The following FHOD1 variants were observed in gnomAD, a reference collection of about 807,000 sequenced individuals.
The protein encoded by FHOD1 is formin homology 2 domain containing 1.
FHOD1 carries 89 observed loss-of-function variants against 111.6 expected under a neutral mutation model. The ratio of observed to expected loss-of-function variants is 0.80; its 90% confidence interval spans 0.67 to 0.95. The LOEUF is 0.95. Ranked by LOEUF, FHOD1 falls within the 40% of genes least tolerant of loss-of-function variation. FHOD1 has a pLI of 0.00. For synonymous variants in FHOD1, 618 were observed against 639.0 expected, an observed-to-expected ratio of 0.97 and a Z score of 0.50; for missense variants, 1,446 against 1,554.2, an observed-to-expected ratio of 0.93 and a Z score of 1.17.
At chr16:67,230,846 T>C in intron 17 of FHOD1, 55 bp from the exon 18 acceptor site, 11 of 1,519,632 alleles carry the variant, frequency 7.2e-6, no homozygotes, top group Non-Finnish European at 8.8e-6. Context: ...AGACAAGACA[T>C]GGCCCGAGGC....
In FHOD1 at chr16:67,247,376, G is replaced by C. The variant is rs539343247; in HGVS notation, c.35C>G (p.Pro12Arg). The C allele has an allele frequency of 7.1e-5, 114 of 1,613,224 alleles. No individual in the cohort carries two copies. The highest frequency in any genetic ancestry group is 9.1e-5 in the Non-Finnish European group (107 of 1,179,748). Reference protein sequence around the residue: ...AGGEDRGDGEPVSVVTVRVQY... With the variant: ...AGGEDRGDGERVSVVTVRVQY... ...CACCCTCACGGTCACCACTGATACC[G>C]GCTCTCCGTCCCCGCGGTCTTCCCC... is the stretch of plus-strand genomic sequence containing the variant. Residue 12 changes from proline to arginine, a missense_variant, in exon 1 of 22, where the codon CCG becomes CGG. By Grantham distance (103) the Pro-to-Arg change is moderately radical. Around this residue, in one of 3 missense-constraint regions of FHOD1, gnomAD observed 127 missense variants for 118.0 expected, o/e 1.08. Transcript: ENST00000258201.
chr16:67,232,089 C>G lies in FHOD1; in HGVS notation c.2152G>C (p.Ala718Pro). The change falls in exon 14 of 22, where the codon GCT (alanine) becomes CCT (proline). Residue 718 changes from alanine to proline, a missense_variant. Transcript: ENST00000258201. ...TTLPPVHVIK[A>P]ALLNFDEFAV... ...AACTCATCAAAGTTGAGCAGAGCAG[C>G]CTTAATGACATGCACAGGTGGCAGT... 6.2e-7 allele frequency: 1 copy of G among 1,614,250 alleles called. No homozygotes were observed. The highest frequency in any genetic ancestry group is 1.1e-5 in the South Asian group (1 of 91,088).
rs1355631681 is a variant in FHOD1 at position 67,231,694 on chromosome 16, G to A, written c.2328C>T (p.Gly776=). 2 of 1,614,198 alleles carry A rather than the reference G, an allele frequency of 1.2e-6. No individual in the cohort carries two copies. The highest frequency in any genetic ancestry group is 4.5e-5 in the East Asian group (2 of 44,888). Residue 776 remains glycine, a synonymous_variant, in exon 15 of 22, where the codon GGC becomes GGT. Coordinates refer to ENST00000258201, the MANE Select transcript of FHOD1 (RefSeq NM_013241.3). The surrounding 1 kb of genome is among the most constrained non-coding windows in gnomAD (Gnocchi z 4.3). ...CCCAGAGTTGTAGACGAGCAGCGAG[G>A]CCGCCAATGGAGGCAAGAGTCATCA... ...NFLMTLASIG[G]LAARLQLWAF...
At chr16:67,235,821 C>T (rs2034455289) in intron 11 of FHOD1, among the ~76,000 whole-genome samples, 1 of 152,226 alleles carries the variant, frequency 6.6e-6, no homozygotes, top group Admixed American at 6.5e-5. Flanking sequence ...TATTGAAGCA[C>T]AGGGACCACT....
intron 1 of FHOD1, chr16:67,246,831 T>A: frequency 9.3e-6 from 2 of 214,914 alleles, no homozygotes; most frequent in East Asian, 1.1e-4. Context: ...CCACCTCACC[T>A]GAAGCAGGTG....
At position 67,236,641 on chromosome 16, in the gene FHOD1, G is replaced by C; in HGVS notation, c.1235C>G (p.Ser412Cys). 6.2e-7 allele frequency: 1 copy of C among 1,612,996 alleles called. No individual in the cohort carries two copies. ...AAGGTTCACTGAAGCTTGGAGACCG[G>C]AGGGAGGGCCCACAGGGCTGGAGGC... ...GPASSPVGPP[S>C]GLQASVNLFP... The change falls in exon 11 of 22, where the codon TCC (serine) becomes TGC (cysteine). Residue 412 changes from serine to cysteine, a missense_variant. Physicochemically the swap from Ser to Cys is moderately radical, Grantham distance 112. This residue lies in a region of FHOD1 where 1,085 missense variants were observed against 1,108.8 expected (regional missense o/e 0.98). Coordinates refer to ENST00000258201, the MANE Select transcript of FHOD1 (RefSeq NM_013241.3).
Position 67,231,117 on chromosome 16 carries a change from G to A in FHOD1, c.2667+71C>T. 1.3e-6 allele frequency: 2 copies of A among 1,572,940 alleles called. No individual in the cohort carries two copies. Among genetic ancestry groups the A allele is most frequent in the Admixed American group, 1.7e-5 (1 of 57,488 alleles). On this transcript the variant is annotated intron_variant, in intron 17 of 21. Coordinates refer to ENST00000258201, the MANE Select transcript of FHOD1 (RefSeq NM_013241.3). The surrounding 1 kb of genome is among the most constrained non-coding windows in gnomAD (Gnocchi z 4.3). ...CAGCAGCCCAAATGGGGAGAAGGGG[G>A]AGGAGCCAGGCCCAGGAAGCAGCGC...
At chr16:67,235,937 AC>A (rs2034458785) in intron 11 of FHOD1, 1 of 643,716 alleles carries the variant, frequency 1.6e-6, no homozygotes, top group African/African-American at 2.0e-5. Flanking sequence ...TGCATCAGGC[AC>A]GTGAAACCCC....
At position 67,231,276 on chromosome 16, in the gene FHOD1, A is replaced by G. The variant is rs1473529788; in HGVS notation, c.2579T>C (p.Leu860Pro). ...VKDTVRRQSLLHHLCSLVLQT... is the reference protein window; with the variant it reads ...VKDTVRRQSLPHHLCSLVLQT... ...GAGCACTAGGGAGCAGAGATGGTGT[A>G]GCAGTGACTGTCGACGCACCGTGTC... The change falls in exon 17 of 22, where the codon CTA (leucine) becomes CCA (proline). Residue 860 changes from leucine to proline, a missense_variant. Leu to Pro is a moderately conservative substitution (Grantham distance 98). Transcript: ENST00000258201. This position sits in a 1 kb window ranked among gnomAD's most constrained non-coding sequence, Gnocchi z 4.3. The G allele has an allele frequency of 6.2e-7, 1 of 1,614,156 alleles. No homozygotes were observed.
intron 1 of FHOD1, among the ~76,000 whole-genome samples, chr16:67,243,788 G>A (rs1164108270): frequency 6.6e-6 from 1 of 152,088 alleles, no homozygotes; most frequent in East Asian, 1.9e-4. Context: ...TTCCAGTAAG[G>A]GAACACCAAT....
In FHOD1 at chr16:67,230,888, C is replaced by G. The variant is rs1045418775; in HGVS notation, c.2668-97G>C. On this transcript the variant is annotated intron_variant, in intron 17 of 21. Transcript: ENST00000258201. ...TGGGCCAGAGTGGCCAGCTTGGGCC[C>G]TAAGGACACAGACATCCAAATCTCA... 2.4e-5 allele frequency: 31 copies of G among 1,307,294 alleles called. No individual in the cohort carries two copies. In the African/African-American group the frequency reaches 3.8e-4, roughly 16 times the overall value. 81.0% of individuals were successfully genotyped at this position (1,307,294 alleles called of 1,614,324 possible). A position where few individuals can be genotyped will look rare whatever the true frequency, so the allele number is the denominator to read the frequency against.
In FHOD1 at chr16:67,238,643, C is replaced by T. The variant is rs1207715398; in HGVS notation, c.374-196G>A. ...CATAGCTCACTGCAACCTCAAACTC[C>T]TAGCCTCAAGCAATTCTCCCACCTT... On this transcript the variant is annotated intron_variant, in intron 3 of 21. Transcript: ENST00000258201. This position sits in a 1 kb window ranked among gnomAD's most constrained non-coding sequence, Gnocchi z 4.2. The T allele has an allele frequency of 4.4e-6, 3 of 675,574 alleles. No individual in the cohort carries two copies. The highest frequency in any genetic ancestry group is 7.8e-6 in the Non-Finnish European group (3 of 384,902). 41.8% of individuals were successfully genotyped at this position (675,574 alleles called of 1,614,324 possible). A position where few individuals can be genotyped will look rare whatever the true frequency, so the allele number is the denominator to read the frequency against.
chr16:67,245,397 G>A (rs1363682133), intron 1 of FHOD1, among the ~76,000 whole-genome samples: 1 of 152,140 alleles, frequency 6.6e-6, no homozygotes, highest in Non-Finnish European at 1.5e-5. Context: ...AGAAGGAGTG[G>A]TTCTGAGCCT....
At position 67,238,780 on chromosome 16, in the gene FHOD1, G is replaced by C; in HGVS notation, c.373+123C>G. On this transcript the variant is annotated intron_variant, in intron 3 of 21. Transcript: ENST00000258201. The surrounding 1 kb of genome is among the most constrained non-coding windows in gnomAD (Gnocchi z 4.2). ...GGCCCTGGAAGAAGAGGTCAGGATA[G>C]GGAGAGGAAGGAGCACATACAGCTA... The C allele has an allele frequency of 1.1e-6, 1 of 913,940 alleles. No individual in the cohort carries two copies. The highest frequency in any genetic ancestry group is 1.8e-6 in the Non-Finnish European group (1 of 557,960). The allele number at this position is 913,940 out of a possible 1,614,324, so 56.6% of individuals were successfully genotyped here.
rs2034393498 is a variant in FHOD1 at position 67,234,226 on chromosome 16, C to T, written c.1477G>A (p.Ala493Thr). 1 of 1,547,660 alleles carries T rather than the reference C, an allele frequency of 6.5e-7. No individual in the cohort carries two copies. Reference protein sequence around the residue: ...LWDSPETAPAARTPQSPAPCV... With the variant: ...LWDSPETAPATRTPQSPAPCV... ...GGGGCAGGGCTCTGGGGTGTTCTGGCTGCAGGGGCTGTCTCTGGGGAGTCC... is the reference window on the plus strand; with the variant it reads ...GGGGCAGGGCTCTGGGGTGTTCTGGTTGCAGGGGCTGTCTCTGGGGAGTCC... Residue 493 changes from alanine to threonine, a missense_variant, in exon 13 of 22, where the codon GCC becomes ACC. This residue lies in a region of FHOD1 where 1,085 missense variants were observed against 1,108.8 expected (regional missense o/e 0.98). Transcript: ENST00000258201.
rs774526351 is a variant in FHOD1, at chr16:67,237,416, T to C, written c.850-34A>G. On this transcript the variant is annotated intron_variant, in intron 8 of 21. Coordinates refer to ENST00000258201, the MANE Select transcript of FHOD1 (RefSeq NM_013241.3). This position sits in a 1 kb window ranked among gnomAD's most constrained non-coding sequence, Gnocchi z 5.6. ...CGGGGATAAGAAGGCAAGGCTGAGG[T>C]TGGTGGGGAGGTCAGGAGCCTGAGC... 1.4e-5 allele frequency: 22 copies of C among 1,613,344 alleles called. No individual in the cohort carries two copies. The South Asian group carries it at 2.0e-4, about 14-fold the overall frequency.
At position 67,231,894 on chromosome 16, in the gene FHOD1, C is replaced by T. The variant is rs1465104413; in HGVS notation, c.2203-75G>A. 9 of 1,549,474 alleles carry T rather than the reference C, an allele frequency of 5.8e-6. No individual in the cohort carries two copies. The South Asian group carries it at 6.0e-5, about 10-fold the overall frequency. On this transcript the variant is annotated intron_variant, in intron 14 of 21. Transcript: ENST00000258201. The surrounding 1 kb of genome is among the most constrained non-coding windows in gnomAD (Gnocchi z 4.3). ...GCCTGAGGCATTGGTCTTGACCCCT[C>T]AGTCATCTAGGGGAGGCCCCAGTGT...
intron 1 of FHOD1, among the ~76,000 whole-genome samples, chr16:67,243,236 C>A (rs2034716364): frequency 6.6e-6 from 1 of 152,096 alleles, no homozygotes; most frequent in South Asian, 2.1e-4. Flanking sequence ...GTTCTGAAGA[C>A]CCTCCTTTCC....
chr16:67,229,712 C>T lies in FHOD1; in HGVS notation c.3419G>A (p.Arg1140Lys), dbSNP rs763703372. 1.2e-6 allele frequency: 2 copies of T among 1,613,750 alleles called. No individual in the cohort carries two copies. The highest frequency in any genetic ancestry group is 2.2e-5 in the East Asian group (1 of 44,878). The change falls in exon 22 of 22, where the codon AGG becomes AAG. Residue 1140 changes from arginine (R) to lysine (K), a missense_variant. By Grantham distance (26) the Arg-to-Lys change is conservative. Around this residue, in one of 3 missense-constraint regions of FHOD1, gnomAD observed 1,085 missense variants for 1,108.8 expected, o/e 0.98. Coordinates refer to ENST00000258201, the MANE Select transcript of FHOD1 (RefSeq NM_013241.3). ...RSRGNRKSLR[R>K]TLKSGLGDDL... ...ATCTCCGAGCCCACTCTTCAACGTCCTTCTCACTGCAGGGACAGAGCAGGG... is the reference window on the plus strand; with the variant it reads ...ATCTCCGAGCCCACTCTTCAACGTCTTTCTCACTGCAGGGACAGAGCAGGG...
Sources: allele counts gnomAD v4.1 joint callset (sites outside exome capture counted in the v4.1 genomes callset), GRCh38; gene constraint gnomAD v4.1.1; regional missense constraint gnomAD v4.1.1; non-coding constraint Gnocchi (gnomAD v3.1); transcripts MANE v1.5; gene names NCBI Gene and HGNC (gene_info 2026-07-23, HGNC 2026-07-21).